The following VPS13D variants were observed in gnomAD, a reference collection of about 807,000 sequenced individuals.
VPS13D encodes vacuolar protein sorting 13 homolog D, also known as intermembrane lipid transfer protein VPS13D.
In VPS13D, 187 loss-of-function variants were observed where a neutral mutation model predicts 461.9. That is an observed-to-expected ratio of 0.40 (90% CI 0.36 to 0.46). VPS13D has a LOEUF of 0.46. VPS13D is among the 20% of genes least tolerant of loss of function. The pLI is 0.60. For synonymous variants in VPS13D, 1,951 were observed against 1,986.3 expected (o/e 0.98, Z 0.47); for missense variants, 4,711 against 5,364.9 (o/e 0.88, Z 3.81).
At position 12,329,916 on chromosome 1, in the gene VPS13D, C is replaced by T; in HGVS notation, c.8285C>T (p.Ser2762Leu). ...LSGDYYNRAL[S>L]GWEPFIEPWP... Reference sequence around the variant, plus strand: ...GGAGATTATTATAACCGTGCTCTTTCAGGTCAGTATAAAGCATATGTTATC... The same window carrying T: ...GGAGATTATTATAACCGTGCTCTTTTAGGTCAGTATAAAGCATATGTTATC... The change falls in exon 37 of 70, where the codon TCA becomes TTA. Residue 2762 changes from serine to leucine, a missense_variant and splice_region_variant. This residue lies in a region of VPS13D where 4,411 missense variants were observed against 4,937.8 expected (regional missense o/e 0.89). Coordinates refer to ENST00000620676, the MANE Select transcript of VPS13D (RefSeq NM_015378.4). The T allele has an allele frequency of 6.2e-7, 1 of 1,611,976 alleles. No individual in the cohort carries two copies. Among genetic ancestry groups the T allele is most frequent in the Non-Finnish European group, 8.5e-7 (1 of 1,178,846 alleles).
At chr1:12,230,222 G>GC (rs1432346691) in intron 1 of VPS13D, 102 bp downstream of exon 1, 1 of 152,364 alleles carries the variant, frequency 6.6e-6, no homozygotes, top group Non-Finnish European at 1.5e-5. Context: ...GGACATGGGG[G>GC]CCCGGGCCCA....
At chr1:12,379,340 C>A in intron 56 of VPS13D, 148 bp from the exon 57 acceptor site, 1 of 600,464 alleles carries the variant, frequency 1.7e-6, no homozygotes, top group Non-Finnish European at 2.8e-6. Flanking sequence ...TACCTAACTG[C>A]CCTAGGATTC....
In VPS13D at chr1:12,495,284, G is replaced by A. The variant is rs1312736659; in HGVS notation, c.12663-2216G>A. ...CCTGCCTCAGCCTCCTGAATAGCTG[G>A]GACTACAGGCGCCCGCCACTCCCCC... On this transcript the variant is annotated intron_variant, in intron 67 of 69. Transcript: ENST00000620676. This position sits in a 1 kb window ranked among gnomAD's most constrained non-coding sequence, Gnocchi z 4.0. Among the ~76,000 whole-genome samples, 1 of 151,544 alleles carries A rather than the reference G, an allele frequency of 6.6e-6. No homozygotes were observed. The highest frequency in any genetic ancestry group is 2.4e-5 in the African/African-American group (1 of 41,286).
chr1:12,289,682 G>T (rs887098846), intron 22 of VPS13D, among the ~76,000 whole-genome samples: 9 of 151,646 alleles, frequency 5.9e-5, no homozygotes, highest in African/African-American at 2.2e-4. Flanking sequence ...GGCTGGGCAC[G>T]GTGGCTCACG....
Position 12,505,128 on chromosome 1 carries a change from G to A in VPS13D, c.12795-1725G>A, listed in dbSNP as rs1482053121. On this transcript the variant is annotated intron_variant, in intron 68 of 69. Coordinates refer to ENST00000620676, the MANE Select transcript of VPS13D (RefSeq NM_015378.4). This position sits in a 1 kb window ranked among gnomAD's most constrained non-coding sequence, Gnocchi z 4.2. ...TCAGTGGCTGTGCACCAGGCCCACC[G>A]ATGCTCAGGGGTGTAGGCTGCTTCC... 6.6e-6 allele frequency among the ~76,000 whole-genome samples: 1 copy of A among 152,184 alleles called. No individual in the cohort carries two copies. Among genetic ancestry groups the A allele is most frequent in the African/African-American group, 2.4e-5 (1 of 41,448 alleles).
chr1:12,283,504 C>G lies in VPS13D; in HGVS notation c.5402C>G (p.Ser1801Cys). Reference sequence around the variant, plus strand: ...GATAAGAAACATCCAGAATTCTCTTCCAGTTACAATCGAGTTAACCGGAGC... The same window carrying G: ...GATAAGAAACATCCAGAATTCTCTTGCAGTTACAATCGAGTTAACCGGAGC... ...LVDKKHPEFS[S>C]SYNRVNRSID... The change falls in exon 21 of 70, where the codon TCC becomes TGC. Residue 1801 changes from serine (S) to cysteine (C), a missense_variant. Coordinates refer to ENST00000620676, the MANE Select transcript of VPS13D (RefSeq NM_015378.4). 6.2e-7 allele frequency: 1 copy of G among 1,614,222 alleles called. No individual in the cohort carries two copies. The highest frequency in any genetic ancestry group is 8.5e-7 in the Non-Finnish European group (1 of 1,180,036).
At chr1:12,406,721 C>A (rs1164253363) in intron 63 of VPS13D, among the ~76,000 whole-genome samples, 1 of 152,134 alleles carries the variant, frequency 6.6e-6, no homozygotes, top group Admixed American at 6.5e-5. Flanking sequence ...CTCAAGTTTG[C>A]GTGTTAGAAA....
chr1:12,383,144 A>G lies in VPS13D; in HGVS notation c.11359A>G (p.Arg3787Gly), dbSNP rs778767425. The change falls in exon 58 of 70, where the codon AGA (arginine) becomes GGA (glycine). Residue 3787 changes from arginine to glycine, a missense_variant. Arg to Gly is a moderately radical substitution (Grantham distance 125). Around this residue, in one of 3 missense-constraint regions of VPS13D, gnomAD observed 4,411 missense variants for 4,937.8 expected, o/e 0.89. Coordinates refer to ENST00000620676, the MANE Select transcript of VPS13D (RefSeq NM_015378.4). Reference protein sequence around the residue: ...SIRVIPDGPTRALQITDFCHR... With the variant: ...SIRVIPDGPTGALQITDFCHR... ...CAGAGTCATCCCAGATGGACCAACT[A>G]GAGCACTCCAGGTGATAATTTGTCA... The G allele has an allele frequency of 3.7e-6, 6 of 1,613,198 alleles. No homozygotes were observed. Among genetic ancestry groups the G allele is most frequent in the Non-Finnish European group, 5.1e-6 (6 of 1,179,664 alleles).
intron 53 of VPS13D, among the ~76,000 whole-genome samples, chr1:12,368,883 C>T (rs996596048): frequency 2.6e-5 from 4 of 152,142 alleles, no homozygotes; most frequent in Non-Finnish European, 5.9e-5. Flanking sequence ...GTAGACATCC[C>T]GTTCAAACAG....
At chr1:12,373,688 A>T in intron 54 of VPS13D, 62 bp from the exon 55 acceptor site, 2 of 953,392 alleles carry the variant, frequency 2.1e-6, no homozygotes, top group Non-Finnish European at 2.7e-6. Context: ...TACATGTGTG[A>T]GTATGTGTGT....
intron 24 of VPS13D, among the ~76,000 whole-genome samples, chr1:12,294,567 C>T (rs1642221358): frequency 6.6e-6 from 1 of 152,040 alleles, no homozygotes. Flanking sequence ...TAAATCCTAG[C>T]ACTTTGGGAG....
chr1:12,446,181 C>T (rs762731504), intron 65 of VPS13D, among the ~76,000 whole-genome samples: 3 of 152,104 alleles, frequency 2.0e-5, no homozygotes, highest in Non-Finnish European at 4.4e-5. Flanking sequence ...CTTTGGGAGG[C>T]CAAGGTGGGC....
intron 49 of VPS13D, 95 bp from the exon 50 acceptor site, chr1:12,358,364 T>C (rs1643905290): frequency 1.3e-6 from 2 of 1,500,000 alleles, no homozygotes; most frequent in Admixed American, 3.9e-5. Flanking sequence ...GAGATGGAAC[T>C]TGGGTGATAA....
intron 46 of VPS13D, among the ~76,000 whole-genome samples, chr1:12,351,267 G>C (rs984287784): frequency 7.2e-5 from 11 of 152,124 alleles, no homozygotes; most frequent in Non-Finnish European, 1.3e-4. Flanking sequence ...CCCATGAAGA[G>C]GTGCAAATAT....
chr1:12,421,955 G>A (rs1053099716), intron 65 of VPS13D, among the ~76,000 whole-genome samples: 1 of 152,152 alleles, frequency 6.6e-6, no homozygotes, highest in African/African-American at 2.4e-5. Context: ...CAGAGTAGCA[G>A]AGATTACAAG....
chr1:12,386,840 G>A (rs1383369153), intron 60 of VPS13D, among the ~76,000 whole-genome samples: 3 of 152,198 alleles, frequency 2.0e-5, no homozygotes, highest in African/African-American at 7.2e-5. Flanking sequence ...GCTGAGCCCT[G>A]TAATTGCCTT....
intron 60 of VPS13D, among the ~76,000 whole-genome samples, chr1:12,396,735 T>C (rs1644504036): frequency 6.6e-6 from 1 of 152,212 alleles, no homozygotes; most frequent in Non-Finnish European, 1.5e-5. Context: ...GAAATTTTTC[T>C]TTTATTATAT....
rs58476786 is a variant in VPS13D at position 12,395,996 on chromosome 1, GATAT to G, written c.11635-4155_11635-4152del. Among the ~76,000 whole-genome samples the G allele has an allele frequency of 4.7e-4, 35 of 73,772 alleles. 1 individual carries two copies. Among genetic ancestry groups the G allele is most frequent in the South Asian group, 1.6e-3 (3 of 1,884 alleles). 48.4% of individuals were successfully genotyped at this position (73,772 alleles called of 152,430 possible). A position where few individuals can be genotyped will look rare whatever the true frequency, so the allele number is the denominator to read the frequency against. On this transcript the variant is annotated intron_variant, in intron 60 of 69. Coordinates refer to ENST00000620676, the MANE Select transcript of VPS13D (RefSeq NM_015378.4). ...TCTTAGAGGGATAGAACTAATAGGA[GATAT>G]ATATATATATATATATATATATATA...
At chr1:12,438,780 G>C (rs1215887339) in intron 65 of VPS13D, among the ~76,000 whole-genome samples, 2 of 152,194 alleles carry the variant, frequency 1.3e-5, no homozygotes, top group Non-Finnish European at 2.9e-5. Context: ...CTGAAATTTT[G>C]ACATGTAAAG....
Sources: gnomAD v4.1 joint callset for allele counts (sites outside exome capture counted in the v4.1 genomes callset) on GRCh38, gnomAD v4.1.1 for gene constraint, gnomAD v4.1.1 regional missense constraint, Gnocchi (gnomAD v3.1) non-coding constraint, MANE v1.5 for transcripts, NCBI Gene and HGNC (gene_info 2026-07-23, HGNC 2026-07-21) for gene names.